Variants in CSMD1 observed in about 807,000 individuals in gnomAD.
CSMD1 encodes CUB and sushi domain-containing protein 1.
CSMD1 carries 213 observed loss-of-function variants against 417.5 expected under a neutral mutation model. The observed-to-expected ratio is 0.51, with a 90% confidence interval of 0.46 to 0.57. CSMD1 has a LOEUF of 0.57. CSMD1 is among the 20% of genes least tolerant of loss of function. The probability of loss-of-function intolerance (pLI) is 0.00; values close to 1 mark genes in which losing one functional copy is unlikely to be tolerated. For missense variants in CSMD1, 6,923 were observed against 4,529.7 expected (o/e 1.53, Z -15.17); for synonymous variants, 2,862 against 1,736.8 (o/e 1.65, Z -16.11).
At chr8:4,885,811 T>A (rs934268971) in intron 1 of CSMD1, among the ~76,000 whole-genome samples, 3 of 152,118 alleles carry the variant, frequency 2.0e-5, no homozygotes, top group Admixed American at 1.3e-4. Context: ...TCTGAGGAAA[T>A]CCAATTTATA....
intron 6 of CSMD1, among the ~76,000 whole-genome samples, chr8:3,732,117 G>C (rs139264054): frequency 3.8e-4 from 58 of 152,288 alleles, no homozygotes; most frequent in African/African-American, 1.3e-3. Context: ...GGGCCTTGGA[G>C]GAGAGGGCTC....
chr8:2,984,022 G>C (rs1267212480), intron 54 of CSMD1, among the ~76,000 whole-genome samples: 1 of 152,116 alleles, frequency 6.6e-6, no homozygotes, highest in African/African-American at 2.4e-5. Flanking sequence ...TGTTCCCTGA[G>C]CAAATAGAAA....
rs1029133438 is a variant in CSMD1, at chr8:4,711,204, C to G, written c.86-73646G>C. 8.7e-5 allele frequency among the ~76,000 whole-genome samples: 13 copies of G among 149,852 alleles called. No individual in the cohort carries two copies. In the East Asian group the frequency reaches 2.3e-3, roughly 27 times the overall value. On this transcript the variant is annotated intron_variant, in intron 1 of 69. Transcript: ENST00000635120. ...CTTTTATTACTCATACTTGGAAAGG[C>G]AAATTTGAAGTAAAAAATGTTAATC... is the stretch of plus-strand genomic sequence containing the variant.
chr8:4,188,701 G>A (rs755660272), intron 3 of CSMD1, among the ~76,000 whole-genome samples: 18 of 152,192 alleles, frequency 1.2e-4, no homozygotes, highest in Middle Eastern at 3.4e-3. Context: ...AAAAGAGGAA[G>A]TGTAAATAAA....
intron 3 of CSMD1, among the ~76,000 whole-genome samples, chr8:4,057,993 C>T (rs532713435): frequency 6.6e-6 from 1 of 151,308 alleles, no homozygotes; most frequent in East Asian, 2.0e-4. Flanking sequence ...GTTCTTTTGC[C>T]TTAGGATTGA....
intron 2 of CSMD1, among the ~76,000 whole-genome samples, chr8:4,496,746 G>C (rs1211047338): frequency 1.3e-5 from 2 of 152,070 alleles, no homozygotes; most frequent in Non-Finnish European, 2.9e-5. Flanking sequence ...TACTTGCCTG[G>C]AACAAAGCTG....
At chr8:4,207,260 G>C (rs772610391) in intron 3 of CSMD1, among the ~76,000 whole-genome samples, 1 of 152,116 alleles carries the variant, frequency 6.6e-6, no homozygotes, top group Non-Finnish European at 1.5e-5. Flanking sequence ...TATTTCAAGT[G>C]ACAGAATGAA....
intron 3 of CSMD1, among the ~76,000 whole-genome samples, chr8:4,055,815 G>C (rs531056803): frequency 1.3e-5 from 2 of 151,366 alleles, no homozygotes; most frequent in South Asian, 4.1e-4. Context: ...CACTGAAGCA[G>C]AAGTGTTGAT....
At chr8:3,707,156 T>C (rs573408236) in intron 7 of CSMD1, among the ~76,000 whole-genome samples, 3 of 152,264 alleles carry the variant, frequency 2.0e-5, no homozygotes, top group South Asian at 2.1e-4. Flanking sequence ...ACACAAGCAA[T>C]TGTCAGGAAA....
At chr8:3,054,990 C>G (rs1418110712) in intron 49 of CSMD1, among the ~76,000 whole-genome samples, 1 of 152,174 alleles carries the variant, frequency 6.6e-6, no homozygotes, top group African/African-American at 2.4e-5. Context: ...ATCATTTTCT[C>G]TCAGATTTCA....
At chr8:4,966,680 G>A (rs1228151778) in intron 1 of CSMD1, among the ~76,000 whole-genome samples, 1 of 152,114 alleles carries the variant, frequency 6.6e-6, no homozygotes, top group Non-Finnish European at 1.5e-5. Context: ...TTATAATTAA[G>A]TTCACTCAAA....
intron 3 of CSMD1, among the ~76,000 whole-genome samples, chr8:4,305,757 G>T (rs761606115): frequency 5.3e-5 from 8 of 152,080 alleles, no homozygotes; most frequent in Non-Finnish European, 1.0e-4. Flanking sequence ...AGACACTACT[G>T]ATCTGTATTT....
At chr8:4,415,793 G>A (rs890324946) in intron 3 of CSMD1, among the ~76,000 whole-genome samples, 1 of 152,166 alleles carries the variant, frequency 6.6e-6, no homozygotes, top group African/African-American at 2.4e-5. Flanking sequence ...ATGAGCACAC[G>A]TGTTTACATG....
At chr8:3,076,697 G>T (rs947292832) in intron 49 of CSMD1, among the ~76,000 whole-genome samples, 1 of 152,188 alleles carries the variant, frequency 6.6e-6, no homozygotes, top group Non-Finnish European at 1.5e-5. Context: ...GAAACCTCAT[G>T]AAAGAAAGGA....
At chr8:4,964,576 A>T (rs1585420253) in intron 1 of CSMD1, among the ~76,000 whole-genome samples, 2 of 151,480 alleles carry the variant, frequency 1.3e-5, no homozygotes, top group South Asian at 2.1e-4. Context: ...GCACAGAACC[A>T]AGAAGGACAA....
chr8:4,213,914 G>A (rs935085336), intron 3 of CSMD1, among the ~76,000 whole-genome samples: 2 of 152,176 alleles, frequency 1.3e-5, no homozygotes, highest in Non-Finnish European at 2.9e-5. Context: ...ATGGAGGGAT[G>A]ACTCATTAAT....
At chr8:4,898,257 G>C (rs530632208) in intron 1 of CSMD1, among the ~76,000 whole-genome samples, 3 of 152,144 alleles carry the variant, frequency 2.0e-5, no homozygotes, top group South Asian at 2.1e-4. Flanking sequence ...TAGATGACTT[G>C]CCCGTTTTAG....
intron 28 of CSMD1, among the ~76,000 whole-genome samples, chr8:3,222,417 C>T (rs535666705): frequency 1.3e-5 from 2 of 152,154 alleles, no homozygotes; most frequent in East Asian, 3.9e-4. Context: ...TCCAACAGTC[C>T]TCCTGCCTCA....
At chr8:4,485,863 G>A (rs1363472371) in intron 2 of CSMD1, among the ~76,000 whole-genome samples, 2 of 151,914 alleles carry the variant, frequency 1.3e-5, no homozygotes, top group Admixed American at 6.6e-5. Flanking sequence ...ACCCCATTAT[G>A]GTGACATTTC....
Sources: allele counts gnomAD v4.1 joint callset (sites outside exome capture counted in the v4.1 genomes callset), GRCh38; gene constraint gnomAD v4.1.1; transcripts MANE v1.5; gene names NCBI Gene and HGNC (gene_info 2026-07-23, HGNC 2026-07-21).